The following ZNF37A variants were observed in gnomAD, a reference collection of about 807,000 sequenced individuals.
The protein encoded by ZNF37A is zinc finger protein 37A, also known as zinc finger protein 37a (KOX 21).
Under a neutral mutation model 12.3 loss-of-function variants are expected in ZNF37A, and 10 were observed. The ratio of observed to expected loss-of-function variants is 0.82; its 90% CI spans 0.50 to 1.38. The LOEUF is 1.38. Among genes scored for constraint, ZNF37A ranks in the 40% most tolerant of loss-of-function variants. The pLI, the probability that ZNF37A is intolerant of heterozygous loss-of-function variation, is 0.00. For synonymous variants in ZNF37A, 207 were observed against 223.0 expected, an observed-to-expected ratio of 0.93 and a Z score of 0.64; for missense variants, 580 against 651.2, an observed-to-expected ratio of 0.89 and a Z score of 1.19.
intron 5 of ZNF37A, among the ~76,000 whole-genome samples, chr10:38,105,376 C>G (rs2067978403): frequency 6.6e-6 from 1 of 152,140 alleles, no homozygotes; most frequent in African/African-American, 2.4e-5. Flanking sequence ...ATCACCATTC[C>G]TGGAATTATC....
intron 5 of ZNF37A, among the ~76,000 whole-genome samples, chr10:38,110,373 C>T (rs2068536206): frequency 6.6e-6 from 1 of 152,096 alleles, no homozygotes; most frequent in South Asian, 2.1e-4. Flanking sequence ...GACCTAAAAC[C>T]ATAAAAACCC....
rs557122692 is a variant in ZNF37A, at chr10:38,118,819, G to A, written c.1668G>A (p.Glu556=). 1.4e-5 allele frequency: 22 copies of A among 1,575,944 alleles called. No individual in the cohort carries two copies. In the East Asian group the frequency reaches 3.4e-4, roughly 24 times the overall value. Residue 556 remains glutamate, a synonymous_variant, in exon 8 of 8, where the codon GAG becomes GAA. Coordinates refer to ENST00000685332, the MANE Select transcript of ZNF37A (RefSeq NM_001324250.3). ...GAAACCCTATAAATGTAGTAAACGA[G>A]GGAAATTACTCTGGGTGAAGTCAGA... ...LGRNPINVVN[E]GNYSG
rs996548517 is a variant in ZNF37A, at chr10:38,119,924, T to C, written c.*1087T>C. On this transcript the variant is annotated 3_prime_UTR_variant, in exon 8 of 8. Coordinates refer to ENST00000685332, the MANE Select transcript of ZNF37A (RefSeq NM_001324250.3). ...CAAAGCAGCAAGTCAATTTGCCTTG[T>C]ATGCAACTTATGAGGATTAGTAGAA... 2 of 152,182 alleles carry C rather than the reference T, an allele frequency of 1.3e-5. No individual in the cohort carries two copies. The highest frequency in any genetic ancestry group is 4.8e-5 in the African/African-American group (2 of 41,430). The allele number at this position is 152,182 out of a possible 1,614,324, so 9.4% of individuals were successfully genotyped here.
intron 5 of ZNF37A, among the ~76,000 whole-genome samples, chr10:38,108,721 C>G (rs547785406): frequency 6.6e-6 from 1 of 152,290 alleles, no homozygotes; most frequent in African/African-American, 2.4e-5. Context: ...TGCAAATAAT[C>G]TAGAAAATCT....
intron 7 of ZNF37A, among the ~76,000 whole-genome samples, chr10:38,134,248 G>T (rs1012775199): frequency 6.6e-6 from 1 of 152,186 alleles, no homozygotes; most frequent in African/African-American, 2.4e-5. Context: ...CTTTAGCTCA[G>T]AGAAGTTTGT....
Position 38,104,798 on chromosome 10 carries a change from A to G in ZNF37A, c.15+8166A>G, listed in dbSNP as rs1400517018. Among the ~76,000 whole-genome samples, 3 of 152,080 alleles carry G rather than the reference A, an allele frequency of 2.0e-5. No individual in the cohort carries two copies. In the East Asian group the frequency reaches 5.8e-4, roughly 29 times the overall value. Reference sequence around the variant, plus strand: ...CATACACACACACACACAGAAATACACATGTGTACACCTATTTTTGTATTG... The same window carrying G: ...CATACACACACACACACAGAAATACGCATGTGTACACCTATTTTTGTATTG... On this transcript the variant is annotated intron_variant, in intron 5 of 7. Coordinates refer to ENST00000685332, the MANE Select transcript of ZNF37A (RefSeq NM_001324250.3).
Position 38,118,497 on chromosome 10 carries a change from G to T in ZNF37A, c.1346G>T (p.Cys449Phe), listed in dbSNP as rs1415039105. Reference protein sequence around the residue: ...YECIQCGKFFCYYSGFTEHLR... With the variant: ...YECIQCGKFFFYYSGFTEHLR... ...TGTATTCAGTGTGGAAAATTTTTCTGCTACTACTCCGGTTTCACAGAACAT... is the reference window on the plus strand; with the variant it reads ...TGTATTCAGTGTGGAAAATTTTTCTTCTACTACTCCGGTTTCACAGAACAT... Residue 449 changes from cysteine to phenylalanine, a missense_variant, in exon 8 of 8, where the codon TGC becomes TTC. Transcript: ENST00000685332. 1.2e-6 allele frequency: 2 copies of T among 1,613,900 alleles called. No individual in the cohort carries two copies. The highest frequency in any genetic ancestry group is 2.2e-5 in the East Asian group (1 of 44,854).
chr10:38,115,496 G>GTTTTT, intron 7 of ZNF37A: 1 of 515,524 alleles, frequency 1.9e-6, no homozygotes, highest in Admixed American at 3.9e-5. Flanking sequence ...ACATCTTGTT[G>GTTTTT]TTTTTTTTAA....
chr10:38,112,793 T>TCTTG (rs1564932610), intron 5 of ZNF37A, among the ~76,000 whole-genome samples: 34 of 48,772 alleles, frequency 7.0e-4, no homozygotes, highest in African/African-American at 2.0e-3. Flanking sequence ...TTCTTTTCTT[T>TCTTG]TCTTGTCTTG....
exon 8 of ZNF37A, chr10:38,147,611 C>G (rs2070271056): frequency 6.6e-6 from 1 of 152,128 alleles, no homozygotes; most frequent in Admixed American, 6.5e-5. Context: ...AAACATTCTT[C>G]CCTGAACCCA....
intron 5 of ZNF37A, among the ~76,000 whole-genome samples, chr10:38,113,319 TCTC>T (rs1255711160): frequency 2.0e-5 from 3 of 149,624 alleles, no homozygotes; most frequent in African/African-American, 4.9e-5. Context: ...TGCAAGCAAT[TCTC>T]CTCCCTCAGC....
chr10:38,117,308 G>A, intron 7 of ZNF37A, 82 bp from the exon 8 acceptor site: 1 of 1,514,888 alleles, frequency 6.6e-7, no homozygotes, highest in Non-Finnish European at 8.8e-7. Context: ...CCTAAACTGA[G>A]CCATGCCTTC....
rs750890454 is a variant in ZNF37A, at chr10:38,120,950, A to C, written c.*2113A>C. On this transcript the variant is annotated 3_prime_UTR_variant, in exon 8 of 8. Coordinates refer to ENST00000685332, the MANE Select transcript of ZNF37A (RefSeq NM_001324250.3). ...TTAGGAAGTGCCAGTGGGTTGGTGAACATGCCATCAGTAAAAGCCCTGGAA... is the reference window on the plus strand; with the variant it reads ...TTAGGAAGTGCCAGTGGGTTGGTGACCATGCCATCAGTAAAAGCCCTGGAA... 26 of 152,328 alleles carry C rather than the reference A, an allele frequency of 1.7e-4. No homozygotes were observed. The highest frequency in any genetic ancestry group is 9.1e-4 in the Admixed American group (14 of 15,302). 9.4% of individuals were successfully genotyped at this position (152,328 alleles called of 1,614,324 possible). A position where few individuals can be genotyped will look rare whatever the true frequency, so the allele number is the denominator to read the frequency against.
In ZNF37A at chr10:38,119,207, A is replaced by G. The variant is rs1428156395; in HGVS notation, c.*370A>G. ...TTTCACAGAATACCTGAGAAGACAC[A>G]CTTGGAGAAACCTTTTGGGTGTAAT... On this transcript the variant is annotated 3_prime_UTR_variant, in exon 8 of 8. Coordinates refer to ENST00000685332, the MANE Select transcript of ZNF37A (RefSeq NM_001324250.3). 5 of 1,021,762 alleles carry G rather than the reference A, an allele frequency of 4.9e-6. No individual in the cohort carries two copies. The highest frequency in any genetic ancestry group is 4.7e-6 in the Non-Finnish European group (4 of 843,400). 63.3% of individuals were successfully genotyped at this position (1,021,762 alleles called of 1,614,324 possible).
rs76311461 is a variant in ZNF37A at position 38,112,683 on chromosome 10, G to A, written c.16-2072G>A. Among the ~76,000 whole-genome samples the A allele has an allele frequency of 3.3e-3, 493 of 148,148 alleles. 10 individuals are homozygous for A. In the South Asian group the frequency reaches 0.049, roughly 15 times the overall value. On this transcript the variant is annotated intron_variant, in intron 5 of 7. Transcript: ENST00000685332. ...TCCAGTTTTTATTTTGTTATAATTT[G>A]TGCAATTTTATATATTTAGATTTGT...
intron 7 of ZNF37A, chr10:38,139,102 C>T (rs1337398068): frequency 6.6e-6 from 1 of 152,146 alleles, no homozygotes; most frequent in African/African-American, 2.4e-5. Context: ...GTGTTCTTGA[C>T]CTGTCTTGTG....
At chr10:38,103,766 GT>G (rs1374557685) in intron 5 of ZNF37A, among the ~76,000 whole-genome samples, 1 of 152,124 alleles carries the variant, frequency 6.6e-6, no homozygotes, top group Non-Finnish European at 1.5e-5. Flanking sequence ...AGTGTTCTTT[GT>G]TGTACATGGT....
intron 5 of ZNF37A, among the ~76,000 whole-genome samples, chr10:38,112,189 T>G (rs188417339): frequency 6.6e-6 from 1 of 151,666 alleles, no homozygotes; most frequent in Admixed American, 6.6e-5. Context: ...TATTTGCAAA[T>G]TGGCTCTGTC....
At chr10:38,104,925 T>C (rs1438976465) in intron 5 of ZNF37A, among the ~76,000 whole-genome samples, 3 of 152,130 alleles carry the variant, frequency 2.0e-5, no homozygotes, top group Admixed American at 6.5e-5. Context: ...GTAACTTCTT[T>C]CTTCAACAGT....
Sources: allele counts gnomAD v4.1 joint callset (sites outside exome capture counted in the v4.1 genomes callset), GRCh38; gene constraint gnomAD v4.1.1; transcripts MANE v1.5; gene names NCBI Gene and HGNC (gene_info 2026-07-23, HGNC 2026-07-21).